FCHSD2: variants seen among roughly 807,000 people sequenced by gnomAD.
FCHSD2 encodes F-BAR and double SH3 domains protein 2.
Under a neutral mutation model 108.1 loss-of-function variants are expected in FCHSD2, and 38 were observed. That is an observed-to-expected ratio of 0.35 (90% CI 0.27 to 0.46). FCHSD2 has a LOEUF of 0.46. Among genes scored for constraint, FCHSD2 ranks in the 20% least tolerant of loss-of-function variants. The pLI is 1.00. For synonymous variants in FCHSD2, 279 were observed against 314.7 expected, an observed-to-expected ratio of 0.89 and a Z score of 1.20; for missense variants, 751 against 897.8, an observed-to-expected ratio of 0.84 and a Z score of 2.09.
At chr11:72,970,563 T>G (rs2135383880) in intron 8 of FCHSD2, among the ~76,000 whole-genome samples, 1 of 152,302 alleles carries the variant, frequency 6.6e-6, no homozygotes, top group East Asian at 1.9e-4. Context: ...AAACTATTGC[T>G]AGCACTCTCA....
chr11:73,003,386 G>C (rs1372807554), intron 4 of FCHSD2, among the ~76,000 whole-genome samples: 2 of 152,150 alleles, frequency 1.3e-5, no homozygotes, highest in South Asian at 4.1e-4. Flanking sequence ...CAGCAGAATT[G>C]TAACAAATAG....
intron 8 of FCHSD2, among the ~76,000 whole-genome samples, chr11:72,951,145 A>G (rs562513301): frequency 4.6e-5 from 7 of 152,352 alleles, no homozygotes; most frequent in Non-Finnish European, 7.3e-5. Flanking sequence ...AAACCATTGC[A>G]TTAGAAATAA....
At chr11:73,042,654 G>C (rs1375070898) in intron 3 of FCHSD2, among the ~76,000 whole-genome samples, 2 of 152,134 alleles carry the variant, frequency 1.3e-5, no homozygotes, top group Admixed American at 1.3e-4. Flanking sequence ...GGGTAGAATG[G>C]TCATGTTAAC....
At chr11:73,044,141 CTAT>C (rs765023691) in intron 3 of FCHSD2, among the ~76,000 whole-genome samples, 1 of 152,166 alleles carries the variant, frequency 6.6e-6, no homozygotes, top group Non-Finnish European at 1.5e-5. Context: ...AGGCCTGCTA[CTAT>C]ATGTCACCTT....
At chr11:72,957,124 C>T (rs1307258325) in intron 8 of FCHSD2, among the ~76,000 whole-genome samples, 1 of 150,906 alleles carries the variant, frequency 6.6e-6, no homozygotes, top group East Asian at 2.0e-4. Context: ...TGCTGGTGCG[C>T]TGCACCCACT....
intron 8 of FCHSD2, among the ~76,000 whole-genome samples, chr11:72,965,533 A>G (rs564848859): frequency 6.6e-6 from 1 of 152,284 alleles, no homozygotes; most frequent in Admixed American, 6.5e-5. Flanking sequence ...TACTGCCATT[A>G]TAGTATTTTT....
intron 3 of FCHSD2, among the ~76,000 whole-genome samples, chr11:73,056,070 T>C (rs1252812060): frequency 6.6e-6 from 1 of 152,188 alleles, no homozygotes; most frequent in African/African-American, 2.4e-5. Flanking sequence ...TAAAAAAAAC[T>C]AAACTCATTC....
intron 9 of FCHSD2, among the ~76,000 whole-genome samples, chr11:72,905,961 G>C (rs1450788618): frequency 6.6e-6 from 1 of 151,988 alleles, no homozygotes; most frequent in Non-Finnish European, 1.5e-5. Context: ...CCCAGTAATG[G>C]GATTGCTGGG....
intron 3 of FCHSD2, among the ~76,000 whole-genome samples, chr11:73,066,410 G>A (rs533693584): frequency 3.3e-5 from 5 of 152,190 alleles, no homozygotes; most frequent in African/African-American, 1.2e-4. Flanking sequence ...AGAAAACCTA[G>A]GCAATACCAT....
chr11:72,841,383 TG>T, intron 18 of FCHSD2, 70 bp downstream of exon 18: 1 of 1,395,240 alleles, frequency 7.2e-7, no homozygotes, highest in Admixed American at 2.6e-5. Context: ...AGTTTTTTTT[TG>T]CCCTTCAGGC....
intron 3 of FCHSD2, among the ~76,000 whole-genome samples, chr11:73,054,831 T>C (rs116726729): frequency 8.1e-4 from 124 of 152,222 alleles, no homozygotes; most frequent in South Asian, 5.0e-3. Flanking sequence ...CATGTGGGCC[T>C]GGTGGCATGT....
At chr11:73,113,248 A>C (rs1466381376) in intron 2 of FCHSD2, among the ~76,000 whole-genome samples, 2 of 151,900 alleles carry the variant, frequency 1.3e-5, no homozygotes, top group South Asian at 2.1e-4. Flanking sequence ...GTTTCCTCAA[A>C]ATAGCTATTT....
chr11:72,884,860 G>T (rs1855164588), intron 12 of FCHSD2, among the ~76,000 whole-genome samples: 1 of 152,086 alleles, frequency 6.6e-6, no homozygotes, highest in Non-Finnish European at 1.5e-5. Flanking sequence ...CTTCCAAAGT[G>T]ATAGAATTAG....
intron 12 of FCHSD2, among the ~76,000 whole-genome samples, chr11:72,871,390 C>T (rs541915920): frequency 1.9e-4 from 29 of 152,302 alleles, no homozygotes; most frequent in Admixed American, 7.8e-4. Context: ...TTCTCTTTTG[C>T]TTAGCAAGTA....
At chr11:72,870,877 G>A (rs1282740875) in intron 12 of FCHSD2, among the ~76,000 whole-genome samples, 1 of 122,992 alleles carries the variant, frequency 8.1e-6, no homozygotes, top group Non-Finnish European at 1.6e-5. Flanking sequence ...TACAGCCTGG[G>A]TGACAGTGCG....
intron 13 of FCHSD2, among the ~76,000 whole-genome samples, chr11:72,863,837 A>G (rs1489277019): frequency 6.6e-6 from 1 of 152,230 alleles, no homozygotes; most frequent in Admixed American, 6.5e-5. Context: ...TATAGTAAGT[A>G]CTGATAAGGT....
intron 5 of FCHSD2, among the ~76,000 whole-genome samples, chr11:72,995,831 C>T (rs560223559): frequency 2.6e-5 from 4 of 152,084 alleles, no homozygotes; most frequent in South Asian, 2.1e-4. Flanking sequence ...GCCAACACAT[C>T]GAAGTCCTAC....
intron 3 of FCHSD2, among the ~76,000 whole-genome samples, chr11:73,020,966 C>T (rs1378094353): frequency 2.0e-5 from 3 of 152,092 alleles, no homozygotes; most frequent in Non-Finnish European, 4.4e-5. Flanking sequence ...TCTTGAACTC[C>T]TGGGCTCAAG....
At chr11:73,095,918 A>T (rs949115454) in intron 2 of FCHSD2, among the ~76,000 whole-genome samples, 1 of 152,198 alleles carries the variant, frequency 6.6e-6, no homozygotes, top group Non-Finnish European at 1.5e-5. Context: ...ATTAAAAAAA[A>T]AAAAAGTTAT....
Sources: gnomAD v4.1 joint callset for allele counts (sites outside exome capture counted in the v4.1 genomes callset) on GRCh38, gnomAD v4.1.1 for gene constraint, MANE v1.5 for transcripts, NCBI Gene and HGNC (gene_info 2026-07-23, HGNC 2026-07-21) for gene names.